Variants in LRP1B observed in about 807,000 individuals in gnomAD.
LRP1B encodes the protein LDL receptor related protein 1B, also known as low-density lipoprotein receptor-related protein 1B.
A neutral mutation model predicts 556.6 loss-of-function variants in LRP1B; 217 were observed. The ratio of observed to expected loss-of-function variants is 0.39; its 90% CI spans 0.35 to 0.44. The LOEUF is 0.44. LRP1B is among the 20% of genes least tolerant of loss of function. The probability of loss-of-function intolerance (pLI) is 1.00; values close to 1 mark genes in which losing one functional copy is unlikely to be tolerated. For synonymous variants in LRP1B, 2,047 were observed against 1,865.8 expected, an observed-to-expected ratio of 1.10 and a Z score of -2.50; for missense variants, 5,053 against 5,620.8, an observed-to-expected ratio of 0.90 and a Z score of 3.23.
intron 31 of LRP1B, among the ~76,000 whole-genome samples, chr2:140,823,944 G>T (rs1691415420): frequency 1.3e-5 from 2 of 151,884 alleles, no homozygotes; most frequent in Admixed American, 1.3e-4. Context: ...GAGGGTGGAA[G>T]GTGGGAAGAG....
In LRP1B at chr2:141,948,800, T is replaced by G. The variant is rs1329042697; in HGVS notation, c.83-138399A>C. Among the ~76,000 whole-genome samples, 3 of 151,976 alleles carry G rather than the reference T, an allele frequency of 2.0e-5. No homozygotes were observed. The East Asian group carries it at 5.8e-4, about 29-fold the overall frequency. ...TAAAATATACAAAACATAAAAATAA[T>G]AATTTAATAACAATAGCAGGATCTA... On this transcript the variant is annotated intron_variant, in intron 1 of 90. Transcript: ENST00000389484.
chr2:141,002,302 C>A (rs759652928), intron 15 of LRP1B, among the ~76,000 whole-genome samples: 9 of 151,890 alleles, frequency 5.9e-5, no homozygotes, highest in Non-Finnish European at 1.0e-4. Context: ...AGAATAGGTA[C>A]AAATTTGTAG....
chr2:140,965,501 A>C (rs1419713280), intron 18 of LRP1B, among the ~76,000 whole-genome samples: 1 of 152,078 alleles, frequency 6.6e-6, no homozygotes, highest in Non-Finnish European at 1.5e-5. Flanking sequence ...GTATCTATAC[A>C]TGTAAATAAT....
chr2:140,546,361 C>A (rs1171871958), intron 43 of LRP1B, among the ~76,000 whole-genome samples: 2 of 151,960 alleles, frequency 1.3e-5, no homozygotes, highest in Non-Finnish European at 2.9e-5. Flanking sequence ...TGTATTAGTA[C>A]ATTCTTATGC....
intron 41 of LRP1B, among the ~76,000 whole-genome samples, chr2:140,680,912 G>A (rs1685837161): frequency 6.6e-6 from 1 of 152,142 alleles, no homozygotes; most frequent in Non-Finnish European, 1.5e-5. Flanking sequence ...AATACTAACA[G>A]TCCCACAATC....
At chr2:141,600,030 A>G (rs1687669828) in intron 2 of LRP1B, among the ~76,000 whole-genome samples, 2 of 152,132 alleles carry the variant, frequency 1.3e-5, no homozygotes, top group Non-Finnish European at 1.5e-5. Context: ...ATATAAATCA[A>G]TCTCCCTTTT....
chr2:141,125,278 G>A (rs1385038077), intron 7 of LRP1B, among the ~76,000 whole-genome samples: 2 of 152,160 alleles, frequency 1.3e-5, no homozygotes, highest in Admixed American at 1.3e-4. Context: ...CAGGTTGCTA[G>A]CGACATCTGT....
At chr2:141,887,174 T>C (rs1417424533) in intron 1 of LRP1B, among the ~76,000 whole-genome samples, 1 of 152,030 alleles carries the variant, frequency 6.6e-6, no homozygotes, top group East Asian at 1.9e-4. Flanking sequence ...TTTTGTATTT[T>C]TAGTAGAAAG....
intron 1 of LRP1B, among the ~76,000 whole-genome samples, chr2:141,952,736 A>C (rs2105037573): frequency 6.6e-6 from 1 of 152,282 alleles, no homozygotes; most frequent in Middle Eastern, 3.4e-3. Context: ...ACCCTTCCTT[A>C]TCTATACATG....
chr2:140,617,071 C>A (rs1363248831), intron 41 of LRP1B, among the ~76,000 whole-genome samples: 3 of 151,926 alleles, frequency 2.0e-5, no homozygotes, highest in Admixed American at 6.6e-5. Context: ...ACAAAACTTA[C>A]ATAATATCTA....
chr2:140,684,800 A>C (rs976355967), intron 41 of LRP1B, among the ~76,000 whole-genome samples: 2 of 152,140 alleles, frequency 1.3e-5, no homozygotes, highest in Non-Finnish European at 2.9e-5. Flanking sequence ...ATGGCATGCT[A>C]GCTAAGGTAA....
At chr2:140,558,789 A>C (rs1483399314) in intron 43 of LRP1B, among the ~76,000 whole-genome samples, 1 of 151,966 alleles carries the variant, frequency 6.6e-6, no homozygotes, top group Non-Finnish European at 1.5e-5. Flanking sequence ...ACAAAAAAAA[A>C]GCTGGGTGTG....
intron 3 of LRP1B, among the ~76,000 whole-genome samples, chr2:141,469,313 A>G (rs1260271906): frequency 6.6e-6 from 1 of 152,214 alleles, no homozygotes; most frequent in Admixed American, 6.5e-5. Context: ...CCAGTCTCAT[A>G]GCTGTTTCAT....
chr2:141,702,165 A>G (rs1442679522), intron 2 of LRP1B, among the ~76,000 whole-genome samples: 1 of 151,866 alleles, frequency 6.6e-6, no homozygotes, highest in African/African-American at 2.4e-5. Flanking sequence ...TGAAAATGGC[A>G]TGGAGGTAGG....
intron 11 of LRP1B, among the ~76,000 whole-genome samples, chr2:141,041,564 T>C (rs928378822): frequency 4.6e-5 from 7 of 152,074 alleles, no homozygotes; most frequent in African/African-American, 1.7e-4. Context: ...GTGATTACAT[T>C]TAGAGTACCT....
At position 140,456,565 on chromosome 2, in the gene LRP1B, T is replaced by A. The variant is rs2105322137; in HGVS notation, c.9853A>T (p.Ser3285Cys). ...HLCMINNGGC[S>C]HLCLLAPGKT... ...CCAGGGGCTAAAAGGCACAAATGAC[T>A]GCAACCACCATTATTTATCATGCAG... Residue 3285 changes from serine (S) to cysteine (C), a missense_variant, in exon 62 of 91, where the codon AGT becomes TGT. Transcript: ENST00000389484. 6.2e-7 allele frequency: 1 copy of A among 1,612,662 alleles called. No homozygotes were observed. Among genetic ancestry groups the A allele is most frequent in the Non-Finnish European group, 8.5e-7 (1 of 1,179,146 alleles).
At chr2:140,609,259 T>A (rs1470513442) in intron 41 of LRP1B, among the ~76,000 whole-genome samples, 1 of 152,172 alleles carries the variant, frequency 6.6e-6, no homozygotes, top group Non-Finnish European at 1.5e-5. Flanking sequence ...GGATCCATCC[T>A]TTCCTTAGTG....
intron 2 of LRP1B, among the ~76,000 whole-genome samples, chr2:141,649,918 G>C (rs1689720955): frequency 6.6e-6 from 1 of 152,194 alleles, no homozygotes; most frequent in Admixed American, 6.5e-5. Flanking sequence ...AGTGGCTAGT[G>C]CCTGTGATTC....
At chr2:140,943,812 G>A (rs901234363) in intron 20 of LRP1B, among the ~76,000 whole-genome samples, 17 of 151,888 alleles carry the variant, frequency 1.1e-4, no homozygotes, top group African/African-American at 3.9e-4. Context: ...ATCTACATCA[G>A]GAAGACAGAA....
Sources: gnomAD v4.1 joint callset for allele counts (sites outside exome capture counted in the v4.1 genomes callset) on GRCh38, gnomAD v4.1.1 for gene constraint, MANE v1.5 for transcripts, NCBI Gene and HGNC (gene_info 2026-07-23, HGNC 2026-07-21) for gene names.